PDE3B: variants seen among roughly 807,000 people sequenced by gnomAD.
PDE3B encodes the protein cGMP-inhibited 3',5'-cyclic phosphodiesterase 3B.
Under a neutral mutation model 116.8 loss-of-function variants are expected in PDE3B, and 66 were observed. The ratio of observed to expected loss-of-function variants is 0.56; its 90% CI spans 0.46 to 0.69. The LOEUF (loss-of-function observed/expected upper bound fraction) is 0.69, where lower values mean the gene tolerates loss of function less well. Ranked by LOEUF, PDE3B falls within the 30% of genes least tolerant of loss-of-function variation. PDE3B has a pLI of 0.00. For synonymous variants in PDE3B, 595 were observed against 533.6 expected (o/e 1.12, Z -1.59); for missense variants, 1,384 against 1,368.1 (o/e 1.01, Z -0.18).
chr11:14,651,743 A>G (rs1288144876), intron 1 of PDE3B, among the ~76,000 whole-genome samples: 1 of 152,194 alleles, frequency 6.6e-6, no homozygotes, highest in East Asian at 1.9e-4. Flanking sequence ...AGTCATGCCA[A>G]CACACTATAT....
intron 1 of PDE3B, among the ~76,000 whole-genome samples, chr11:14,715,135 A>C (rs1855838530): frequency 6.6e-6 from 1 of 152,228 alleles, no homozygotes; most frequent in Non-Finnish European, 1.5e-5. Flanking sequence ...AAAGAAAAAG[A>C]GCCATGTAAC....
At chr11:14,730,692 T>C (rs1435881719) in intron 1 of PDE3B, among the ~76,000 whole-genome samples, 5 of 152,222 alleles carry the variant, frequency 3.3e-5, no homozygotes, top group African/African-American at 1.2e-4. Flanking sequence ...TCAGATATCA[T>C]AAACATAGTA....
At chr11:14,844,179 A>G (rs1847537674) in intron 12 of PDE3B, among the ~76,000 whole-genome samples, 153 bp downstream of exon 12, 1 of 152,232 alleles carries the variant, frequency 6.6e-6, no homozygotes, top group African/African-American at 2.4e-5. Flanking sequence ...CATGGCATTA[A>G]TGTGATGTGT....
chr11:14,650,684 T>G (rs10832290), intron 1 of PDE3B, among the ~76,000 whole-genome samples: 2 of 151,832 alleles, frequency 1.3e-5, no homozygotes, highest in African/African-American at 4.8e-5. Context: ...CATCCACCCT[T>G]GGGAGGCTGA....
chr11:14,828,476 AC>A (rs1240372332), intron 7 of PDE3B, among the ~76,000 whole-genome samples: 2 of 152,174 alleles, frequency 1.3e-5, no homozygotes, highest in Admixed American at 6.5e-5. Context: ...ACAAGAAAAA[AC>A]AAACATAAAA....
chr11:14,864,039 G>A (rs1347616497), intron 14 of PDE3B, among the ~76,000 whole-genome samples: 2 of 152,156 alleles, frequency 1.3e-5, no homozygotes, highest in Non-Finnish European at 2.9e-5. Context: ...AGACCCATCA[G>A]TGTGCTGTAT....
intron 4 of PDE3B, among the ~76,000 whole-genome samples, chr11:14,791,115 A>G (rs1339008713): frequency 6.6e-6 from 1 of 152,128 alleles, no homozygotes; most frequent in Non-Finnish European, 1.5e-5. Context: ...TTGTAGACAT[A>G]TGTGACATCC....
chr11:14,669,905 T>A (rs1854314472), intron 1 of PDE3B, among the ~76,000 whole-genome samples: 2 of 152,168 alleles, frequency 1.3e-5, no homozygotes, highest in African/African-American at 4.8e-5. Flanking sequence ...GGCATAAAAA[T>A]GAAAGCATAG....
intron 1 of PDE3B, among the ~76,000 whole-genome samples, chr11:14,722,955 A>G (rs1157975858): frequency 1.3e-5 from 2 of 152,246 alleles, no homozygotes; most frequent in Non-Finnish European, 2.9e-5. Context: ...TTATGAAAGT[A>G]CATTTATAGC....
At chr11:14,783,329 A>G (rs1858087290) in intron 2 of PDE3B, among the ~76,000 whole-genome samples, 1 of 152,224 alleles carries the variant, frequency 6.6e-6, no homozygotes, top group Non-Finnish European at 1.5e-5. Context: ...TTGCGGCACT[A>G]TTCACAATAG....
chr11:14,644,904 C>G lies in PDE3B; in HGVS notation c.829C>G (p.Arg277Gly), dbSNP rs773068926. The G allele has an allele frequency of 3.7e-6, 6 of 1,614,170 alleles. No homozygotes were observed. In the South Asian group the frequency reaches 6.6e-5, roughly 18 times the overall value. Residue 277 changes from arginine (R) to glycine (G), a missense_variant, in exon 1 of 16, where the codon CGA becomes GGA. Physicochemically the swap from Arg to Gly is moderately radical, Grantham distance 125 (BLOSUM62 -2). Transcript: ENST00000282096. ...AATCAGGGAAGCGCCTCTTCATCCT[C>G]GACTGTCCAGTGCCGCCGAAGAAAA... ...FQIREAPLHP[R>G]LSSAAEEKVP...
At position 14,715,897 on chromosome 11, in the gene PDE3B, G is replaced by A. The variant is rs933986862; in HGVS notation, c.979-56040G>A. On this transcript the variant is annotated intron_variant, in intron 1 of 15. Coordinates refer to ENST00000282096, the MANE Select transcript of PDE3B (RefSeq NM_000922.4). The stretch of plus-strand genomic sequence containing the variant: ...CAATGATAGACTGGATTAAGAAAAT[G>A]TGGCACATAGTGGGAGGAGCCAAGA... Among the ~76,000 whole-genome samples the A allele has an allele frequency of 2.6e-5, 4 of 152,272 alleles. No homozygotes were observed. The East Asian group carries it at 7.7e-4, about 29-fold the overall frequency.
chr11:14,877,641 A>T, the PDE3B span: 1 of 152,442 alleles, frequency 6.6e-6, no homozygotes, highest in East Asian at 1.9e-4. Context: ...CCATATCTAA[A>T]ATACCTCTAT....
chr11:14,786,920 C>G (rs916302822), intron 3 of PDE3B, among the ~76,000 whole-genome samples: 2 of 151,880 alleles, frequency 1.3e-5, no homozygotes, highest in African/African-American at 4.8e-5. Flanking sequence ...TATTATTATT[C>G]TTGTTAAGAA....
At chr11:14,839,470 T>A (rs977002369) in intron 11 of PDE3B, among the ~76,000 whole-genome samples, 1 of 152,230 alleles carries the variant, frequency 6.6e-6, no homozygotes, top group Admixed American at 6.5e-5. Flanking sequence ...GATAAGTAGA[T>A]CCTGGAAAAT....
At chr11:14,647,247 A>G (rs548867668) in intron 1 of PDE3B, among the ~76,000 whole-genome samples, 10 of 152,164 alleles carry the variant, frequency 6.6e-5, no homozygotes, top group African/African-American at 2.4e-4. Context: ...GGAAGATGAA[A>G]AGATTTTAGA....
At chr11:14,692,523 A>G (rs572424893) in intron 1 of PDE3B, among the ~76,000 whole-genome samples, 115 of 152,246 alleles carry the variant, frequency 7.6e-4, no homozygotes, top group Non-Finnish European at 1.3e-3. Flanking sequence ...CTCACTTTGT[A>G]TCTTCGTATC....
At chr11:14,868,437 G>A (rs3758763) in intron 15 of PDE3B, among the ~76,000 whole-genome samples, 1 of 152,160 alleles carries the variant, frequency 6.6e-6, no homozygotes, top group African/African-American at 2.4e-5. Context: ...AAAACAGTGG[G>A]GGGGAGGGGG....
chr11:14,678,711 T>C (rs1211619807), intron 1 of PDE3B, among the ~76,000 whole-genome samples: 1 of 152,252 alleles, frequency 6.6e-6, no homozygotes, highest in Non-Finnish European at 1.5e-5. Context: ...GTAGCTTGTT[T>C]CTTCATTCTA....
Sources: allele counts gnomAD v4.1 joint callset (sites outside exome capture counted in the v4.1 genomes callset), GRCh38; gene constraint gnomAD v4.1.1; transcripts MANE v1.5; gene names NCBI Gene and HGNC (gene_info 2026-07-23, HGNC 2026-07-21).